The following DYNC2H1 variants were observed in gnomAD, a reference collection of about 807,000 sequenced individuals.
The protein encoded by DYNC2H1 is dynein cytoplasmic 2 heavy chain 1.
In DYNC2H1, 410 loss-of-function variants were observed where a neutral mutation model predicts 570.0. The observed-to-expected ratio is 0.72, with a 90% CI of 0.66 to 0.78. DYNC2H1 has a LOEUF of 0.78. Among genes scored for constraint, DYNC2H1 ranks in the 30% least tolerant of loss-of-function variants. The probability of loss-of-function intolerance (pLI) is 0.00; values close to 1 mark genes in which losing one functional copy is unlikely to be tolerated. For synonymous variants in DYNC2H1, 1,688 were observed against 1,677.6 expected, an observed-to-expected ratio of 1.01 and a Z score of -0.15; for missense variants, 4,865 against 5,046.4, an observed-to-expected ratio of 0.96 and a Z score of 1.09.
intron 83 of DYNC2H1, among the ~76,000 whole-genome samples, chr11:103,384,495 TA>T (rs1941796137): frequency 1.3e-5 from 2 of 152,162 alleles, no homozygotes; most frequent in Non-Finnish European, 2.9e-5. Flanking sequence ...ATACATTTTA[TA>T]TTTTTTATAC....
chr11:103,226,664 A>T (rs562659967), intron 59 of DYNC2H1, among the ~76,000 whole-genome samples: 3 of 152,164 alleles, frequency 2.0e-5, no homozygotes, highest in East Asian at 3.9e-4. Flanking sequence ...ATATTGGTCT[A>T]TAGTTTTCTT....
rs1043576285 is a variant in DYNC2H1 at position 103,334,648 on chromosome 11, G to T, written c.12039+10658G>T. ...TACGTGTCTTAAATTTGAAGATTTT[G>T]ATATACTCCAGCAATTGAACATATT... is the stretch of plus-strand genomic sequence containing the variant. On this transcript the variant is annotated intron_variant, in intron 82 of 88. Transcript: ENST00000375735. This position sits in a 1 kb window ranked among gnomAD's most constrained non-coding sequence, Gnocchi z 4.3. Among the ~76,000 whole-genome samples the T allele has an allele frequency of 6.6e-6, 1 of 151,952 alleles. No homozygotes were observed. Among genetic ancestry groups the T allele is most frequent in the African/African-American group, 2.4e-5 (1 of 41,384 alleles).
chr11:103,256,060 AT>A lies in DYNC2H1; in HGVS notation c.10327-41del, dbSNP rs1270675627. 1 of 1,489,162 alleles carries A rather than the reference AT, an allele frequency of 6.7e-7. No homozygotes were observed. Among genetic ancestry groups the A allele is most frequent in the East Asian group, 2.5e-5 (1 of 39,900 alleles). 92.2% of individuals were successfully genotyped at this position (1,489,162 alleles called of 1,614,324 possible). ...TAATATGGGTTTGCTTTAATTGGTT[AT>A]TTTTATATGTATAATAATATTCATA... is the stretch of plus-strand genomic sequence containing the variant. On this transcript the variant is annotated intron_variant, in intron 67 of 88. Coordinates refer to ENST00000375735, the MANE Select transcript of DYNC2H1 (RefSeq NM_001377.3). The surrounding 1 kb of genome is among the most constrained non-coding windows in gnomAD (Gnocchi z 4.0).
At chr11:103,231,449 T>A (rs758079570) in intron 60 of DYNC2H1, 103 bp downstream of exon 60, 7 of 660,358 alleles carry the variant, frequency 1.1e-5, no homozygotes, top group Non-Finnish European at 1.7e-5. Flanking sequence ...GACTCTTATG[T>A]CAGATGATGC....
In DYNC2H1 at chr11:103,189,567, C is replaced by A; in HGVS notation, c.7293-105C>A. The A allele has an allele frequency of 8.9e-7, 1 of 1,123,662 alleles. No individual in the cohort carries two copies. Among genetic ancestry groups the A allele is most frequent in the South Asian group, 1.5e-5 (1 of 67,374 alleles). The allele number at this position is 1,123,662 out of a possible 1,614,324, so 69.6% of individuals were successfully genotyped here. On this transcript the variant is annotated intron_variant, in intron 44 of 88. Coordinates refer to ENST00000375735, the MANE Select transcript of DYNC2H1 (RefSeq NM_001377.3). This position sits in a 1 kb window ranked among gnomAD's most constrained non-coding sequence, Gnocchi z 4.3. ...GGGTAAGCTTTGGAGATATGTAGGT[C>A]TTAGAGCAGCACAGTTTCAAAACCA...
At position 103,198,209 on chromosome 11, in the gene DYNC2H1, G is replaced by T. The variant is rs1478410397; in HGVS notation, c.7839+146G>T. 3.1e-6 allele frequency: 3 copies of T among 952,868 alleles called. No homozygotes were observed. In the African/African-American group the frequency reaches 5.0e-5, roughly 16 times the overall value. 59.0% of individuals were successfully genotyped at this position (952,868 alleles called of 1,614,324 possible). A position where few individuals can be genotyped will look rare whatever the true frequency, so the allele number is the denominator to read the frequency against. On this transcript the variant is annotated intron_variant, in intron 48 of 88. Coordinates refer to ENST00000375735, the MANE Select transcript of DYNC2H1 (RefSeq NM_001377.3). ...TATCTTTTGGAATTTAGTCCATTGT[G>T]GCGGATGTAACGAGATGTGCCTGTA...
rs150284133 is a variant in DYNC2H1, at chr11:103,433,432, A to G, written c.12367-2511A>G. Among the ~76,000 whole-genome samples the G allele has an allele frequency of 9.8e-3, 1,490 of 152,236 alleles. 11 individuals are homozygous for G. The highest frequency in any genetic ancestry group is 0.014 in the Non-Finnish European group (984 of 68,004). On this transcript the variant is annotated intron_variant, in intron 84 of 88. Coordinates refer to ENST00000375735, the MANE Select transcript of DYNC2H1 (RefSeq NM_001377.3). The stretch of plus-strand genomic sequence containing the variant: ...AATTGCCCTAAGTCTTAGTGGCATA[A>G]AACAATAGAAATTTCTTATATCACA...
At chr11:103,329,697 C>T (rs375921682) in intron 82 of DYNC2H1, among the ~76,000 whole-genome samples, 1 of 151,460 alleles carries the variant, frequency 6.6e-6, no homozygotes, top group East Asian at 1.9e-4. Context: ...TTCTCCTTTT[C>T]TTTTTTTTGT....
intron 65 of DYNC2H1, among the ~76,000 whole-genome samples, chr11:103,250,146 C>T (rs1400482755): frequency 1.3e-5 from 2 of 151,448 alleles, no homozygotes; most frequent in Non-Finnish European, 2.9e-5. Flanking sequence ...TTGGTTAAGT[C>T]GTATTTTTTT....
chr11:103,233,153 C>G (rs551710448), intron 60 of DYNC2H1, among the ~76,000 whole-genome samples: 4 of 152,032 alleles, frequency 2.6e-5, no homozygotes, highest in Non-Finnish European at 4.4e-5. Context: ...TAATGCCAGT[C>G]ACATCTGTAT....
rs1309013432 is a variant in DYNC2H1, at chr11:103,321,061, G to A, written c.11758G>A (p.Gly3920Ser). 1.2e-6 allele frequency: 2 copies of A among 1,611,978 alleles called. No homozygotes were observed. ...AGATGTACAATGGGAATTTGTACAT[G>A]GTTTACTTGAAAATGCTATTTATGG... ...AKDVQWEFVH[G>S]LLENAIYGGR... Residue 3920 changes from glycine to serine, a missense_variant, in exon 81 of 89, where the codon GGT becomes AGT. This residue lies in a region of DYNC2H1 where 2,401 missense variants were observed against 2,454.6 expected (regional missense o/e 0.98). Transcript: ENST00000375735.
chr11:103,208,558 T>C (rs1006456955), intron 52 of DYNC2H1, among the ~76,000 whole-genome samples: 2 of 152,018 alleles, frequency 1.3e-5, no homozygotes, highest in Non-Finnish European at 2.9e-5. Flanking sequence ...ATGTGGAACA[T>C]TGTAGTGGGA....
intron 84 of DYNC2H1, among the ~76,000 whole-genome samples, chr11:103,421,270 TA>T (rs1943477187): frequency 6.6e-6 from 1 of 152,118 alleles, no homozygotes; most frequent in Admixed American, 6.5e-5. Context: ...TGGGAGACTT[TA>T]ACCATTGACA....
rs564543240 is a variant in DYNC2H1 at position 103,184,496 on chromosome 11, T to G, written c.6478-400T>G. Among the ~76,000 whole-genome samples, 4 of 152,072 alleles carry G rather than the reference T, an allele frequency of 2.6e-5. No individual in the cohort carries two copies. The East Asian group carries it at 7.7e-4, about 29-fold the overall frequency. On this transcript the variant is annotated intron_variant, in intron 40 of 88. Coordinates refer to ENST00000375735, the MANE Select transcript of DYNC2H1 (RefSeq NM_001377.3). ...CTCCATGTGGTTTGTCATTTATGCC[T>G]GCTTTTTCTAACGTTTCTTTTCTAG...
intron 73 of DYNC2H1, among the ~76,000 whole-genome samples, chr11:103,284,245 G>A (rs980526333): frequency 3.9e-5 from 6 of 152,156 alleles, no homozygotes; most frequent in Non-Finnish European, 7.4e-5. Flanking sequence ...TTTGCTCCTT[G>A]GCTATAAATT....
In DYNC2H1 at chr11:103,143,368, AG is replaced by A; in HGVS notation, c.2679del (p.Glu895LysfsTer2). ...WEKNFKALKI[K>X]GKEVERLPSA... is the part of the protein sequence containing the mutation. ...AAAAATTTTAAAGCATTAAAAATAA[AG>A]GGGAAAGAAGTAGAACGACTTCCAA... On this transcript the variant is annotated frameshift_variant, in exon 18 of 89. Coordinates refer to ENST00000375735, the MANE Select transcript of DYNC2H1 (RefSeq NM_001377.3). LOFTEE classifies it high-confidence loss of function. The A allele has an allele frequency of 1.9e-6, 3 of 1,611,836 alleles. No individual in the cohort carries two copies. The highest frequency in any genetic ancestry group is 2.5e-6 in the Non-Finnish European group (3 of 1,179,148).
chr11:103,267,332 G>C (rs527984244), intron 70 of DYNC2H1, among the ~76,000 whole-genome samples: 2 of 150,194 alleles, frequency 1.3e-5, no homozygotes, highest in South Asian at 4.3e-4. Context: ...TGGCCCTTCA[G>C]TGGGAGCTGT....
intron 40 of DYNC2H1, among the ~76,000 whole-genome samples, chr11:103,182,737 AAAAT>A (rs1444992258): frequency 1.3e-5 from 2 of 151,962 alleles, no homozygotes; most frequent in African/African-American, 4.8e-5. Flanking sequence ...AAACATATAC[AAAAT>A]AGAGGATATA....
intron 84 of DYNC2H1, among the ~76,000 whole-genome samples, chr11:103,411,126 A>G (rs1943067887): frequency 6.6e-6 from 1 of 152,174 alleles, no homozygotes; most frequent in Non-Finnish European, 1.5e-5. Flanking sequence ...CATTAACTGC[A>G]TAAATACTTC....
Sources: allele counts gnomAD v4.1 joint callset (sites outside exome capture counted in the v4.1 genomes callset), GRCh38; gene constraint gnomAD v4.1.1; regional missense constraint gnomAD v4.1.1; non-coding constraint Gnocchi (gnomAD v3.1); transcripts MANE v1.5; gene names NCBI Gene and HGNC (gene_info 2026-07-23, HGNC 2026-07-21).